Variants in HSPG2 observed in about 807,000 individuals in gnomAD.
HSPG2 encodes the protein heparan sulfate proteoglycan 2, also known as basement membrane-specific heparan sulfate proteoglycan core protein.
HSPG2 carries 278 observed loss-of-function variants against 526.6 expected under a neutral mutation model. The observed-to-expected ratio is 0.53, with a 90% CI of 0.48 to 0.58. The LOEUF (loss-of-function observed/expected upper bound fraction) is 0.58, where lower values mean the gene tolerates loss of function less well. Among genes scored for constraint, HSPG2 ranks in the 20% least tolerant of loss-of-function variants. HSPG2 has a pLI of 0.00. For missense variants in HSPG2, 5,354 were observed against 6,099.5 expected (o/e 0.88, Z 4.07); for synonymous variants, 2,465 against 2,555.4 (o/e 0.96, Z 1.07).
intron 18 of HSPG2, 125 bp from the exon 19 acceptor site, chr1:21,878,788 C>T: frequency 8.4e-7 from 1 of 1,190,146 alleles, no homozygotes; most frequent in Non-Finnish European, 1.2e-6. Flanking sequence ...ATCTCCCTGC[C>T]CGGCAGCCTC....
intron 25 of HSPG2, chr1:21,875,278 G>A (rs1376846968): frequency 2.0e-5 from 12 of 596,562 alleles, no homozygotes; most frequent in South Asian, 7.9e-5. Context: ...AAGAGCCCAC[G>A]GGCCTGAAAG....
chr1:21,859,934 A>G lies in HSPG2; in HGVS notation c.5083T>C (p.Ser1695Pro), dbSNP rs1639662181. 2 of 1,610,528 alleles carry G rather than the reference A, an allele frequency of 1.2e-6. No individual in the cohort carries two copies. Among genetic ancestry groups the G allele is most frequent in the Non-Finnish European group, 1.7e-6 (2 of 1,179,352 alleles). The change falls in exon 41 of 97, where the codon TCC becomes CCC. Residue 1695 changes from serine to proline, a missense_variant. Ser to Pro is a moderately conservative substitution (Grantham distance 74, BLOSUM62 -1). Coordinates refer to ENST00000374695, the MANE Select transcript of HSPG2 (RefSeq NM_005529.7). The surrounding 1 kb of genome is among the most constrained non-coding windows in gnomAD (Gnocchi z 5.3). ...RSIVPQGGSH[S>P]LRCQVSGSPP... is the part of the protein sequence containing the mutation. ...CTCCCACTGACCTGACACCGCAGGG[A>G]GTGGGAGCCACCTTGGGGCACTATG...
At position 21,890,238 on chromosome 1, in the gene HSPG2, G is replaced by A. The variant is rs532844994; in HGVS notation, c.414-97C>T. On this transcript the variant is annotated intron_variant, in intron 5 of 96. Transcript: ENST00000374695. The surrounding 1 kb of genome is among the most constrained non-coding windows in gnomAD (Gnocchi z 4.1). ...CGCCCCGACGCTCAGGCCCTGTTCC[G>A]GGACAGCCTGTACCCAAAGAAGGGC... 394 of 1,479,474 alleles carry A rather than the reference G, an allele frequency of 2.7e-4. 3 individuals carry two copies. The South Asian group carries it at 3.0e-3, about 11-fold the overall frequency. The allele number at this position is 1,479,474 out of a possible 1,614,324, so 91.6% of individuals were successfully genotyped here.
intron 1 of HSPG2, among the ~76,000 whole-genome samples, chr1:21,931,433 C>T (rs537719133): frequency 3.9e-5 from 6 of 152,342 alleles, no homozygotes; most frequent in Admixed American, 6.5e-5. Context: ...CCGGGACCCT[C>T]GGCGCAGCCT....
In HSPG2 at chr1:21,846,476, C is replaced by T. The variant is rs188987688; in HGVS notation, c.8288G>A (p.Arg2763His). The change falls in exon 63 of 97, where the codon CGT becomes CAT. Residue 2763 changes from arginine (R) to histidine (H), a missense_variant. By Grantham distance (29) the Arg-to-His change is conservative. Coordinates refer to ENST00000374695, the MANE Select transcript of HSPG2 (RefSeq NM_005529.7). ...QAHAQVTWHK[R>H]GGSLPSHHQT... ...ATGGTGACTGGGGAGGCTGCCCCCA[C>T]GCTTGTGCCAAGTGACCTGGGCATG... The T allele has an allele frequency of 5.7e-5, 92 of 1,613,672 alleles. No homozygotes were observed. In the Admixed American group the frequency reaches 7.2e-4, roughly 13 times the overall value.
rs1642299488 is a variant in HSPG2, at chr1:21,890,734, T to C, written c.245-40A>G. ...GAGGATCATTTTGAGAGCCCCAGCC[T>C]GGCATCTAGTGGCCTTAGGCAGTTG... On this transcript the variant is annotated intron_variant, in intron 3 of 96. Transcript: ENST00000374695. The surrounding 1 kb of genome is among the most constrained non-coding windows in gnomAD (Gnocchi z 4.1). 4.2e-6 allele frequency: 6 copies of C among 1,445,288 alleles called. No individual in the cohort carries two copies. Among genetic ancestry groups the C allele is most frequent in the Non-Finnish European group, 5.8e-6 (6 of 1,032,008 alleles). 89.5% of individuals were successfully genotyped at this position (1,445,288 alleles called of 1,614,324 possible).
Position 21,824,402 on chromosome 1 carries a change from G to C in HSPG2, c.12745-26C>G, listed in dbSNP as rs1557664185. The C allele has an allele frequency of 6.2e-7, 1 of 1,613,034 alleles. No homozygotes were observed. Among genetic ancestry groups the C allele is most frequent in the Admixed American group, 1.7e-5 (1 of 60,024 alleles). On this transcript the variant is annotated intron_variant, in intron 93 of 96. Coordinates refer to ENST00000374695, the MANE Select transcript of HSPG2 (RefSeq NM_005529.7). This position sits in a 1 kb window ranked among gnomAD's most constrained non-coding sequence, Gnocchi z 5.9. ...CTGCCAGGGAAGCACAGGGTCTCTG[G>C]GGTCCCCAGCCTGGAGAGCAGAGGC...
chr1:21,871,309 G>C (rs375521956), intron 33 of HSPG2, among the ~76,000 whole-genome samples: 1 of 147,480 alleles, frequency 6.8e-6, no homozygotes, highest in Non-Finnish European at 1.5e-5. Context: ...ACCCAGGCTG[G>C]AGTGCAATGG....
Position 21,902,068 on chromosome 1 carries a change from AC to A in HSPG2, c.64-5759del, listed in dbSNP as rs1643130224. On this transcript the variant is annotated intron_variant, in intron 1 of 96. Transcript: ENST00000374695. The stretch of plus-strand genomic sequence containing the variant: ...AGGTGCCCTGCCCCACCCCCAGGCC[AC>A]CCAGTGCCCTGTCCACAGGCGACAG... 2.6e-5 allele frequency among the ~76,000 whole-genome samples: 4 copies of A among 152,156 alleles called. No individual in the cohort carries two copies. In the South Asian group the frequency reaches 8.3e-4, roughly 32 times the overall value.
rs1029699625 is a variant in HSPG2 at position 21,828,599 on chromosome 1, T to C, written c.12238-173A>G. Among the ~76,000 whole-genome samples the C allele has an allele frequency of 6.6e-6, 1 of 151,956 alleles. No homozygotes were observed. Among genetic ancestry groups the C allele is most frequent in the Non-Finnish European group, 1.5e-5 (1 of 67,974 alleles). Reference sequence around the variant, plus strand: ...GCGCAGGAGTTGAGTGCCTACTGTGTGCTAGAAACATTCATCCGTCAGTGC... The same window carrying C: ...GCGCAGGAGTTGAGTGCCTACTGTGCGCTAGAAACATTCATCCGTCAGTGC... On this transcript the variant is annotated intron_variant, in intron 88 of 96. Coordinates refer to ENST00000374695, the MANE Select transcript of HSPG2 (RefSeq NM_005529.7). The surrounding 1 kb of genome is among the most constrained non-coding windows in gnomAD (Gnocchi z 6.0).
At chr1:21,866,380 T>A (rs1049493384) in intron 33 of HSPG2, among the ~76,000 whole-genome samples, 1 of 152,178 alleles carries the variant, frequency 6.6e-6, no homozygotes, top group African/African-American at 2.4e-5. Context: ...AGTGGAGACA[T>A]GAGCCAGGCC....
chr1:21,838,780 AG>A (rs2098036983), intron 74 of HSPG2, 44 bp downstream of exon 74: 1 of 1,601,502 alleles, frequency 6.2e-7, no homozygotes, highest in Non-Finnish European at 8.5e-7. Flanking sequence ...TCAAAGGGCC[AG>A]GAGGAAAGGT....
At chr1:21,850,941 A>G (rs1638840130) in intron 55 of HSPG2, among the ~76,000 whole-genome samples, 1 of 151,662 alleles carries the variant, frequency 6.6e-6, no homozygotes, top group Admixed American at 6.6e-5. Context: ...GATTTTGCAT[A>G]TATTTTAATC....
rs1188897760 is a variant in HSPG2 at position 21,843,037 on chromosome 1, G to C, written c.8759-116C>G. ...ATCCTGGGGGCGCGGTGGCTTGAGA[G>C]TGGCTGATATAACCTAAGAAGGGTC... On this transcript the variant is annotated intron_variant, in intron 66 of 96. Transcript: ENST00000374695. 3.3e-6 allele frequency: 4 copies of C among 1,228,072 alleles called. No homozygotes were observed. In the South Asian group the frequency reaches 5.2e-5, roughly 16 times the overall value. 76.1% of individuals were successfully genotyped at this position (1,228,072 alleles called of 1,614,324 possible).
In HSPG2 at chr1:21,878,427, A is replaced by G. The variant is rs1351559168; in HGVS notation, c.2617+6T>C. On this transcript the variant is annotated splice_donor_region_variant and intron_variant, in intron 20 of 96. Transcript: ENST00000374695. ...GGTGTCAGGGGATGGTGGCAGCCAT[A>G]CTCACTGACGGGCCTGCACTTCCCG... 6.2e-7 allele frequency: 1 copy of G among 1,601,488 alleles called. No individual in the cohort carries two copies. The highest frequency in any genetic ancestry group is 1.3e-5 in the African/African-American group (1 of 74,822).
chr1:21,884,986 C>T, intron 11 of HSPG2, 27 bp downstream of exon 11: 2 of 1,613,912 alleles, frequency 1.2e-6, no homozygotes, highest in South Asian at 1.1e-5. Context: ...CTCATTCCCA[C>T]CCCACCACCT....
chr1:21,838,150 A>AG (rs1435012422), intron 74 of HSPG2, among the ~76,000 whole-genome samples: 2 of 150,480 alleles, frequency 1.3e-5, no homozygotes, highest in South Asian at 2.1e-4. Flanking sequence ...AAAAAAAAAA[A>AG]AAAAAAAAGA....
At chr1:21,880,585 G>GT (rs745976168) in intron 15 of HSPG2, 26 bp from the exon 16 acceptor site, 99 of 1,610,920 alleles carry the variant, frequency 6.1e-5, no homozygotes, top group Non-Finnish European at 6.0e-5. Context: ...GGTGGCAGGG[G>GT]TCACACATCA....
chr1:21,924,623 G>A (rs896457164), intron 1 of HSPG2, among the ~76,000 whole-genome samples: 12 of 152,156 alleles, frequency 7.9e-5, no homozygotes, highest in African/African-American at 1.9e-4. Context: ...GATGGTAGCT[G>A]ACTGGTGACC....
Sources: gnomAD v4.1 joint callset for allele counts (sites outside exome capture counted in the v4.1 genomes callset) on GRCh38, gnomAD v4.1.1 for gene constraint, Gnocchi (gnomAD v3.1) non-coding constraint, MANE v1.5 for transcripts, NCBI Gene and HGNC (gene_info 2026-07-23, HGNC 2026-07-21) for gene names.